The following PDHX variants were observed in gnomAD, a reference collection of about 807,000 sequenced individuals.
The protein encoded by PDHX is pyruvate dehydrogenase complex component X, also known as pyruvate dehydrogenase protein X component, mitochondrial.
PDHX carries 33 observed loss-of-function variants against 55.3 expected under a neutral mutation model. The observed-to-expected ratio is 0.60, with a 90% CI of 0.45 to 0.80. The LOEUF is 0.80. Among genes scored for constraint, PDHX ranks in the 30% least tolerant of loss-of-function variants. The pLI is 0.00. For synonymous variants in PDHX, 226 were observed against 219.4 expected (o/e 1.03, Z -0.27); for missense variants, 622 against 619.9 (o/e 1.00, Z -0.04).
At chr11:34,977,378 G>A (rs906303161) in intron 7 of PDHX, among the ~76,000 whole-genome samples, 20 of 152,132 alleles carry the variant, frequency 1.3e-4, no homozygotes, top group African/African-American at 3.9e-4. Context: ...TGATCAGCTC[G>A]TAGGAAGTGG....
intron 2 of PDHX, among the ~76,000 whole-genome samples, chr11:34,937,173 T>C (rs1179427408): frequency 6.6e-6 from 1 of 152,180 alleles, no homozygotes; most frequent in Non-Finnish European, 1.5e-5. Context: ...TATGAGGAGA[T>C]AACTGTAGGC....
chr11:34,941,033 A>G, intron 2 of PDHX, among the ~76,000 whole-genome samples: 1 of 152,000 alleles, frequency 6.6e-6, no homozygotes, highest in East Asian at 1.9e-4. Context: ...GTGGTGATGG[A>G]AATGTTCTGT....
chr11:34,978,133 A>C lies in PDHX; in HGVS notation c.974A>C (p.Lys325Thr), dbSNP rs1855419602. 4 of 1,547,598 alleles carry C rather than the reference A, an allele frequency of 2.6e-6. No individual in the cohort carries two copies. The African/African-American group carries it at 5.4e-5, about 21-fold the overall frequency. ...VRQDLVKDDI[K>T]VSVNDFIIKA... ...CTTATTTTTCTTTCAGATGACATTA[A>C]AGTATCAGTAAATGATTTTATCATC... The change falls in exon 8 of 11, where the codon AAA (lysine) becomes ACA (threonine). Residue 325 changes from lysine to threonine, a missense_variant. Lys to Thr is a moderately conservative substitution (Grantham distance 78, BLOSUM62 -1). Coordinates refer to ENST00000227868, the MANE Select transcript of PDHX (RefSeq NM_003477.3).
chr11:34,978,070 A>C (rs1051264377), intron 7 of PDHX, 54 bp from the exon 8 acceptor site: 11 of 905,162 alleles, frequency 1.2e-5, no homozygotes, highest in Non-Finnish European at 1.8e-5. Context: ...TGTAATGGTC[A>C]ATGTTAAAGT....
rs138212362 is a variant in PDHX at position 34,981,761 on chromosome 11, G to T, written c.1024-2809G>T. 6.0e-3 allele frequency among the ~76,000 whole-genome samples: 917 copies of T among 151,790 alleles called. 5 individuals are homozygous for T. Among genetic ancestry groups the T allele is most frequent in the African/African-American group, 0.021 (875 of 41,076 alleles). On this transcript the variant is annotated intron_variant, in intron 8 of 10. Transcript: ENST00000227868. ...TTTCTTTGATGACTAGTGATGATGA[G>T]CATTTTTTCATGTGTCTTTTGGCTG...
intron 3 of PDHX, among the ~76,000 whole-genome samples, chr11:34,953,048 C>G (rs983958347): frequency 6.6e-6 from 1 of 151,994 alleles, no homozygotes; most frequent in African/African-American, 2.4e-5. Context: ...ACACCAATAA[C>G]AGACAAACAG....
At chr11:34,930,964 C>T (rs970638869) in intron 1 of PDHX, among the ~76,000 whole-genome samples, 1 of 152,178 alleles carries the variant, frequency 6.6e-6, no homozygotes, top group African/African-American at 2.4e-5. Context: ...TGTTGTCGAT[C>T]ATCAGAACCG....
intron 1 of PDHX, among the ~76,000 whole-genome samples, chr11:34,918,402 A>G (rs181597644): frequency 6.6e-6 from 1 of 151,548 alleles, no homozygotes; most frequent in Non-Finnish European, 1.5e-5. Context: ...CTGCCGCTGC[A>G]CTTTAGCCTG....
intron 9 of PDHX, among the ~76,000 whole-genome samples, chr11:34,987,497 TTATG>T (rs1855671302): frequency 6.6e-6 from 1 of 151,976 alleles, no homozygotes. Context: ...GAAAGAAAGT[TTATG>T]TGTGTGTGTG....
intron 1 of PDHX, among the ~76,000 whole-genome samples, chr11:34,917,023 T>C (rs1271712339): frequency 6.6e-6 from 1 of 152,164 alleles, no homozygotes; most frequent in Admixed American, 6.5e-5. Context: ...GACTCTGCCC[T>C]AGGCCCCCTG....
intron 9 of PDHX, among the ~76,000 whole-genome samples, chr11:34,986,317 A>AG (rs1279771425): frequency 1.8e-5 from 2 of 112,600 alleles, no homozygotes; most frequent in Admixed American, 1.9e-4. Flanking sequence ...CAAAAAAAAA[A>AG]AAAAAAAAAG....
chr11:34,984,885 T>C, intron 9 of PDHX, 157 bp downstream of exon 9: 1 of 682,118 alleles, frequency 1.5e-6, no homozygotes, highest in Non-Finnish European at 2.5e-6. Flanking sequence ...ATATATAGGT[T>C]TTTAAAGTTT....
chr11:34,935,866 A>T (rs1354338826), intron 2 of PDHX, among the ~76,000 whole-genome samples: 1 of 152,226 alleles, frequency 6.6e-6, no homozygotes, highest in Non-Finnish European at 1.5e-5. Context: ...AAGGACTTCC[A>T]GGGTATCCTA....
rs1855599255 is a variant in PDHX at position 34,984,586 on chromosome 11, A to T, written c.1040A>T (p.Asn347Ile). The change falls in exon 9 of 11, where the codon AAT (asparagine) becomes ATT (isoleucine). Residue 347 changes from asparagine to isoleucine, a missense_variant. Coordinates refer to ENST00000227868, the MANE Select transcript of PDHX (RefSeq NM_003477.3). The part of the protein sequence containing the change: ...AVTLKQMPDV[N>I]VSWDGEGPKQ... ...TATTTCTAGCAAATGCCAGATGTTA[A>T]TGTAAGCTGGGATGGAGAGGGCCCA... The T allele has an allele frequency of 3.1e-6, 5 of 1,614,024 alleles. No homozygotes were observed. The highest frequency in any genetic ancestry group is 4.2e-6 in the Non-Finnish European group (5 of 1,179,942).
At chr11:34,939,533 C>T (rs1854422750) in intron 2 of PDHX, among the ~76,000 whole-genome samples, 1 of 150,900 alleles carries the variant, frequency 6.6e-6, no homozygotes, top group African/African-American at 2.4e-5. Flanking sequence ...CGTTTTACAC[C>T]AAGGAGGTAA....
intron 7 of PDHX, among the ~76,000 whole-genome samples, chr11:34,977,418 A>G (rs994459977): frequency 6.6e-6 from 1 of 152,154 alleles, no homozygotes; most frequent in Non-Finnish European, 1.5e-5. Context: ...TAAAATCATT[A>G]TGTATACTGG....
intron 5 of PDHX, among the ~76,000 whole-genome samples, chr11:34,962,474 G>A (rs1225723442): frequency 1.3e-5 from 2 of 152,186 alleles, no homozygotes; most frequent in Non-Finnish European, 2.9e-5. Flanking sequence ...ATTTGTTTTG[G>A]TGGAGTTAGT....
At chr11:34,975,069 T>A (rs1855336848) in intron 7 of PDHX, among the ~76,000 whole-genome samples, 1 of 152,224 alleles carries the variant, frequency 6.6e-6, no homozygotes, top group Non-Finnish European at 1.5e-5. Flanking sequence ...AGGGGTTTTG[T>A]TTCAGTTCTT....
At position 34,971,759 on chromosome 11, in the gene PDHX, A is replaced by G. The variant is rs59112466; in HGVS notation, c.964+1473A>G. Reference sequence around the variant, plus strand: ...TTTTCTTTTCTGGAGACATTTTTTCAGATTTGTTATCTTATCTAGTGGAAT... The same window carrying G: ...TTTTCTTTTCTGGAGACATTTTTTCGGATTTGTTATCTTATCTAGTGGAAT... On this transcript the variant is annotated intron_variant, in intron 7 of 10. Transcript: ENST00000227868. Among the ~76,000 whole-genome samples, 1,007 of 152,160 alleles carry G rather than the reference A, an allele frequency of 6.6e-3. 10 individuals are homozygous for G. The highest frequency in any genetic ancestry group is 0.024 in the African/African-American group (977 of 41,538).
Sources: gnomAD v4.1 joint callset for allele counts (sites outside exome capture counted in the v4.1 genomes callset) on GRCh38, gnomAD v4.1.1 for gene constraint, MANE v1.5 for transcripts, NCBI Gene and HGNC (gene_info 2026-07-23, HGNC 2026-07-21) for gene names.